The following XYLT1 variants were observed in gnomAD, a reference collection of about 807,000 sequenced individuals.
XYLT1 encodes the protein xylosyltransferase 1.
In XYLT1, 36 loss-of-function variants were observed where a neutral mutation model predicts 91.3. The ratio of observed to expected loss-of-function variants is 0.39; its 90% CI spans 0.30 to 0.52. The LOEUF is 0.52. Among genes scored for constraint, XYLT1 ranks in the 20% least tolerant of loss-of-function variants. The pLI is 0.68. For synonymous variants in XYLT1, 588 were observed against 532.0 expected, an observed-to-expected ratio of 1.11 and a Z score of -1.45; for missense variants, 1,242 against 1,284.5, an observed-to-expected ratio of 0.97 and a Z score of 0.51.
At chr16:17,253,476 C>G (rs2033576932) in intron 3 of XYLT1, among the ~76,000 whole-genome samples, 1 of 152,164 alleles carries the variant, frequency 6.6e-6, no homozygotes, top group African/African-American at 2.4e-5. Flanking sequence ...GCAGGAACCC[C>G]TGGCCTAAGA....
intron 2 of XYLT1, chr16:17,355,229 C>G (rs942554486): frequency 6.5e-6 from 1 of 153,418 alleles, no homozygotes; most frequent in Admixed American, 6.5e-5. Flanking sequence ...TGGTCTGCAA[C>G]TCCTCTTTCC....
At chr16:17,232,562 G>A (rs1219547663) in intron 3 of XYLT1, among the ~76,000 whole-genome samples, 1 of 151,360 alleles carries the variant, frequency 6.6e-6, no homozygotes, top group African/African-American at 2.4e-5. Context: ...ATTGATTGAT[G>A]ATGATGAAGA....
chr16:17,262,514 G>A (rs1035134654), intron 2 of XYLT1, among the ~76,000 whole-genome samples: 5 of 152,254 alleles, frequency 3.3e-5, no homozygotes, highest in East Asian at 1.9e-4. Flanking sequence ...AGCGTCTGTC[G>A]GGATGGAGCT....
intron 5 of XYLT1, among the ~76,000 whole-genome samples, chr16:17,161,217 C>T (rs909943918): frequency 1.3e-5 from 2 of 152,108 alleles, no homozygotes; most frequent in African/African-American, 2.4e-5. Flanking sequence ...CCCCATCTGA[C>T]GGGGATGAAT....
In XYLT1 at chr16:17,106,863, G is replaced by C. The variant is rs1190175472; in HGVS notation, c.*1832C>G. The stretch of plus-strand genomic sequence containing the variant: ...CCCCAAGGCACCCCACTCAAAGCCA[G>C]TGGAAGATGCGGGTTGGAGCTTTCT... On this transcript the variant is annotated 3_prime_UTR_variant, in exon 12 of 12. Transcript: ENST00000261381. 1 of 152,184 alleles carries C rather than the reference G, an allele frequency of 6.6e-6. No homozygotes were observed. The highest frequency in any genetic ancestry group is 1.5e-5 in the Non-Finnish European group (1 of 68,074). 9.4% of individuals were successfully genotyped at this position (152,184 alleles called of 1,614,324 possible). A position where few individuals can be genotyped will look rare whatever the true frequency, so the allele number is the denominator to read the frequency against.
chr16:17,463,373 CA>C lies in XYLT1; in HGVS notation c.363+7060del, dbSNP rs921375639. Among the ~76,000 whole-genome samples the C allele has an allele frequency of 2.2e-4, 33 of 151,880 alleles. 1 individual carries two copies. Among genetic ancestry groups the C allele is most frequent in the Non-Finnish European group, 4.3e-4 (29 of 67,974 alleles). ...ATAAAGAACTCAAACAACTCAACAG[CA>C]AAAAAACAAGTAGTCCAATTTTTTA... On this transcript the variant is annotated intron_variant, in intron 1 of 11. Coordinates refer to ENST00000261381, the MANE Select transcript of XYLT1 (RefSeq NM_022166.4).
chr16:17,386,299 G>A (rs2035746993), intron 1 of XYLT1, among the ~76,000 whole-genome samples: 1 of 152,118 alleles, frequency 6.6e-6, no homozygotes, highest in South Asian at 2.1e-4. Flanking sequence ...CTGACTCTCA[G>A]TCATGGATAA....
Position 17,138,462 on chromosome 16 carries a change from T to C in XYLT1, c.1657A>G (p.Thr553Ala). Reference sequence around the variant, plus strand: ...CAGCCCAGCTTGCGATTCCAGTTGGTGATGCGCAGGTTGTTGTCCACCATG... The same window carrying C: ...CAGCCCAGCTTGCGATTCCAGTTGGCGATGCGCAGGTTGTTGTCCACCATG... Reference protein sequence around the residue: ...DTMVDNNLRITNWNRKLGCKC... With the variant: ...DTMVDNNLRIANWNRKLGCKC... Residue 553 changes from threonine (T) to alanine (A), a missense_variant, in exon 8 of 12, where the codon ACC becomes GCC. Thr to Ala is a moderately conservative substitution (Grantham distance 58, BLOSUM62 0). Transcript: ENST00000261381. 1 of 1,614,136 alleles carries C rather than the reference T, an allele frequency of 6.2e-7. No homozygotes were observed. Among genetic ancestry groups the C allele is most frequent in the Non-Finnish European group, 8.5e-7 (1 of 1,179,996 alleles).
At chr16:17,355,179 G>C (rs2035277477) in intron 2 of XYLT1, 1 of 153,586 alleles carries the variant, frequency 6.5e-6, no homozygotes, top group Admixed American at 6.5e-5. Flanking sequence ...CACTGTGTAA[G>C]GAGCTGCTGC....
At chr16:17,415,810 A>G (rs1377670635) in intron 1 of XYLT1, among the ~76,000 whole-genome samples, 2 of 152,200 alleles carry the variant, frequency 1.3e-5, no homozygotes, top group Non-Finnish European at 1.5e-5. Context: ...TTTGCTGTGC[A>G]TGCAGTGTGT....
At chr16:17,200,310 A>C (rs138601165) in intron 4 of XYLT1, among the ~76,000 whole-genome samples, 172 bp downstream of exon 4, 176 of 152,252 alleles carry the variant, frequency 1.2e-3, no homozygotes, top group African/African-American at 4.1e-3. Context: ...ACCAACACAC[A>C]CATAGAGACA....
chr16:17,458,559 A>G (rs2036774463), intron 1 of XYLT1, among the ~76,000 whole-genome samples: 1 of 152,098 alleles, frequency 6.6e-6, no homozygotes, highest in South Asian at 2.1e-4. Context: ...CCTAACATCT[A>G]ACTTTAATCC....
At chr16:17,199,588 G>C (rs1317315789) in intron 4 of XYLT1, among the ~76,000 whole-genome samples, 2 of 152,206 alleles carry the variant, frequency 1.3e-5, no homozygotes, top group Non-Finnish European at 2.9e-5. Flanking sequence ...TCCAGTGGGA[G>C]ATAACTGAAT....
At chr16:17,214,911 G>C (rs543235222) in intron 3 of XYLT1, among the ~76,000 whole-genome samples, 1 of 152,232 alleles carries the variant, frequency 6.6e-6, no homozygotes, top group South Asian at 2.1e-4. Flanking sequence ...CGAAACCTCT[G>C]CTTCTGTTTC....
At chr16:17,220,498 A>G (rs907013914) in intron 3 of XYLT1, among the ~76,000 whole-genome samples, 11 of 152,158 alleles carry the variant, frequency 7.2e-5, no homozygotes, top group Admixed American at 6.5e-4. Context: ...TTTGAGACGT[A>G]GTCCCACTCT....
intron 1 of XYLT1, among the ~76,000 whole-genome samples, chr16:17,435,688 C>A (rs1451116712): frequency 6.6e-6 from 1 of 152,126 alleles, no homozygotes; most frequent in Non-Finnish European, 1.5e-5. Context: ...GTGCCAGGCT[C>A]CAGCAGGTGG....
intron 1 of XYLT1, among the ~76,000 whole-genome samples, chr16:17,461,956 T>G (rs1392282346): frequency 6.6e-6 from 1 of 152,198 alleles, no homozygotes; most frequent in Non-Finnish European, 1.5e-5. Context: ...CCTTCCACAG[T>G]GTTTGGTGCA....
At chr16:17,154,013 A>G (rs777363553) in intron 6 of XYLT1, among the ~76,000 whole-genome samples, 1 of 152,178 alleles carries the variant, frequency 6.6e-6, no homozygotes, top group Non-Finnish European at 1.5e-5. Flanking sequence ...GGCCTTGAGT[A>G]AGGTAAAGCG....
chr16:17,338,465 G>A (rs768880866), intron 2 of XYLT1: 1 of 456,408 alleles, frequency 2.2e-6, no homozygotes. Flanking sequence ...GCTTTGCCGG[G>A]CTGGCTGGAA....
Sources: gnomAD v4.1 joint callset for allele counts (sites outside exome capture counted in the v4.1 genomes callset) on GRCh38, gnomAD v4.1.1 for gene constraint, MANE v1.5 for transcripts, NCBI Gene and HGNC (gene_info 2026-07-23, HGNC 2026-07-21) for gene names.